NIPAL3: variants seen among roughly 807,000 people sequenced by gnomAD.
NIPAL3 encodes the protein NIPA like domain containing 3.
NIPAL3 carries 41 observed loss-of-function variants against 47.2 expected under a neutral mutation model. The observed-to-expected ratio is 0.87, with a 90% CI of 0.68 to 1.13. NIPAL3 has a LOEUF of 1.13. Ranked by LOEUF, NIPAL3 falls within the 50% of genes most tolerant of loss-of-function variation. NIPAL3 has a pLI of 0.00. For synonymous variants in NIPAL3, 194 were observed against 209.6 expected (o/e 0.93, Z 0.64); for missense variants, 449 against 530.1 (o/e 0.85, Z 1.50).
chr1:24,456,902 A>G (rs2235559), intron 8 of NIPAL3, among the ~76,000 whole-genome samples: 30,073 of 151,914 alleles, frequency 0.2, 3,203 homozygotes, highest in East Asian at 0.28. Flanking sequence ...AGCTGGGACT[A>G]CAGGTGTATG....
intron 4 of NIPAL3, among the ~76,000 whole-genome samples, chr1:24,444,436 T>C (rs1459685356): frequency 2.0e-5 from 3 of 152,174 alleles, no homozygotes; most frequent in Non-Finnish European, 1.5e-5. Flanking sequence ...GTATAGACAT[T>C]ATCACTCCCA....
chr1:24,430,764 C>T (rs1383363456), intron 2 of NIPAL3, among the ~76,000 whole-genome samples: 1 of 152,192 alleles, frequency 6.6e-6, no homozygotes, highest in East Asian at 1.9e-4. Flanking sequence ...ATGCCTGTAA[C>T]TTTTTTCACC....
At chr1:24,436,622 G>A (rs1244172941) in intron 2 of NIPAL3, among the ~76,000 whole-genome samples, 1 of 151,540 alleles carries the variant, frequency 6.6e-6, no homozygotes, top group African/African-American at 2.4e-5. Context: ...CTGAGTAGCT[G>A]GGATTATAGG....
chr1:24,445,912 C>T (rs1481878170), intron 5 of NIPAL3, among the ~76,000 whole-genome samples: 1 of 152,140 alleles, frequency 6.6e-6, no homozygotes, highest in Non-Finnish European at 1.5e-5. Flanking sequence ...GGGCAAGAGG[C>T]AGAAGTGTCA....
rs56978150 is a variant in NIPAL3, at chr1:24,454,031, CTT to C, written c.637+541_637+542del. ...GGCTAGAACTGCATATTAATTTTTC[CTT>C]TTTTTTTTTTTTTGAGACAGTCTTG... On this transcript the variant is annotated intron_variant, in intron 7 of 11. Transcript: ENST00000374399. The surrounding 1 kb of genome is among the most constrained non-coding windows in gnomAD (Gnocchi z 4.1). The C allele has an allele frequency of 0.019, 8,187 of 431,400 alleles. 1 individual carries two copies. Among genetic ancestry groups the C allele is most frequent in the Non-Finnish European group, 0.021 (4,799 of 229,056 alleles). The allele number at this position is 431,400 out of a possible 1,614,324, so 26.7% of individuals were successfully genotyped here. A position where few individuals can be genotyped will look rare whatever the true frequency, so the allele number is the denominator to read the frequency against.
In NIPAL3 at chr1:24,440,198, G is replaced by A. The variant is rs370188520; in HGVS notation, c.120G>A (p.Ala40=). 10 of 1,594,070 alleles carry A rather than the reference G, an allele frequency of 6.3e-6. 1 individual carries two copies. In the East Asian group the frequency reaches 9.2e-5, roughly 15 times the overall value. The change falls in exon 3 of 12, where the codon GCG becomes GCA. Residue 40 remains alanine (A), a synonymous_variant. Coordinates refer to ENST00000374399, the MANE Select transcript of NIPAL3 (RefSeq NM_020448.5). ...AAAACCTGATTGGCGCCCTCTTGGCGATCTTCGGGCACCTCGTGGTCAGCA... is the reference window on the plus strand; with the variant it reads ...AAAACCTGATTGGCGCCCTCTTGGCAATCTTCGGGCACCTCGTGGTCAGCA... The part of the protein sequence containing the change: ...YKENLIGALL[A]IFGHLVVSIA...
At chr1:24,419,226 A>T (rs1644200418) in intron 1 of NIPAL3, 65 bp from the exon 2 acceptor site, 1 of 853,550 alleles carries the variant, frequency 1.2e-6, no homozygotes, top group Non-Finnish European at 1.4e-6. Flanking sequence ...CTCTTCTCAG[A>T]TAACAAAGCT....
chr1:24,413,655 C>G (rs1419217077), upstream of NIPAL3: 1 of 152,270 alleles, frequency 6.6e-6, no homozygotes, highest in Non-Finnish European at 1.5e-5. Context: ...CCGGTCCCCC[C>G]GCCGGAACTG....
chr1:24,417,293 C>T (rs760967), intron 1 of NIPAL3, among the ~76,000 whole-genome samples: 27,625 of 152,092 alleles, frequency 0.18, 3,141 homozygotes, highest in East Asian at 0.3. Flanking sequence ...CAGGGTATTC[C>T]GCAAACACCT....
At position 24,460,680 on chromosome 1, in the gene NIPAL3, C is replaced by T. The variant is rs1646430933; in HGVS notation, c.926+136C>T. On this transcript the variant is annotated intron_variant, in intron 10 of 11. Coordinates refer to ENST00000374399, the MANE Select transcript of NIPAL3 (RefSeq NM_020448.5). ...AGCTGTGGGGTTTTGGAGCTTTGTC[C>T]CCAGAGGTGAGCGTTTTATTCCTCT... is the stretch of plus-strand genomic sequence containing the variant. 5 of 643,006 alleles carry T rather than the reference C, an allele frequency of 7.8e-6. No individual in the cohort carries two copies. In the East Asian group the frequency reaches 1.7e-4, roughly 22 times the overall value. The allele number at this position is 643,006 out of a possible 1,614,324, so 39.8% of individuals were successfully genotyped here. A position where few individuals can be genotyped will look rare whatever the true frequency, so the allele number is the denominator to read the frequency against.
chr1:24,416,220 G>A lies in NIPAL3; in HGVS notation c.-258+316G>A, dbSNP rs1301669410. The stretch of plus-strand genomic sequence containing the variant: ...TCGGGCTTCCTGGCGGCAGCAGATG[G>A]TGGAGTTAGCAGGTGGGATGAGGGG... On this transcript the variant is annotated intron_variant, in intron 1 of 11. Transcript: ENST00000374399. This position sits in a 1 kb window ranked among gnomAD's most constrained non-coding sequence, Gnocchi z 4.8. 2 of 985,508 alleles carry A rather than the reference G, an allele frequency of 2.0e-6. No individual in the cohort carries two copies. Among genetic ancestry groups the A allele is most frequent in the African/African-American group, 1.7e-5 (1 of 57,232 alleles). 61.0% of individuals were successfully genotyped at this position (985,508 alleles called of 1,614,324 possible).
Position 24,454,630 on chromosome 1 carries a change from C to T in NIPAL3, c.637+1126C>T. ...TACAATTCAGTGGTTTTTAGTATTT[C>T]ATAGAGTTGTGAAACCATCATCCTA... On this transcript the variant is annotated intron_variant, in intron 7 of 11. Transcript: ENST00000374399. The surrounding 1 kb of genome is among the most constrained non-coding windows in gnomAD (Gnocchi z 4.1). The T allele has an allele frequency of 1.2e-6, 1 of 828,026 alleles. No individual in the cohort carries two copies. Among genetic ancestry groups the T allele is most frequent in the Non-Finnish European group, 1.5e-6 (1 of 686,416 alleles). The allele number at this position is 828,026 out of a possible 1,614,324, so 51.3% of individuals were successfully genotyped here.
chr1:24,440,372 A>C, intron 3 of NIPAL3, 132 bp downstream of exon 3: 1 of 568,976 alleles, frequency 1.8e-6, no homozygotes, highest in Non-Finnish European at 2.8e-6. Flanking sequence ...CTGGGACAAT[A>C]CCTTGTGGGC....
At chr1:24,427,889 C>T (rs969436334) in intron 2 of NIPAL3, among the ~76,000 whole-genome samples, 1 of 152,262 alleles carries the variant, frequency 6.6e-6, no homozygotes, top group African/African-American at 2.4e-5. Flanking sequence ...TCTCTGGCCC[C>T]GCTTCTCCAC....
chr1:24,449,665 G>C lies in NIPAL3; in HGVS notation c.540+39G>C. The C allele has an allele frequency of 6.3e-7, 1 of 1,593,374 alleles. No individual in the cohort carries two copies. The highest frequency in any genetic ancestry group is 8.6e-7 in the Non-Finnish European group (1 of 1,168,620). ...CCAGTCGTTCCCCCTGAGATGGCAG[G>C]AGGGAGATCAAGTCCTAGAAACCAG... is the stretch of plus-strand genomic sequence containing the variant. On this transcript the variant is annotated intron_variant, in intron 6 of 11. Transcript: ENST00000374399. The surrounding 1 kb of genome is among the most constrained non-coding windows in gnomAD (Gnocchi z 4.5).
chr1:24,458,802 T>C (rs1204826185), intron 8 of NIPAL3, 86 bp from the exon 9 acceptor site: 1 of 1,021,622 alleles, frequency 9.8e-7, no homozygotes, highest in Non-Finnish European at 1.6e-6. Context: ...ATCATCTTCA[T>C]ATTTCAAACC....
chr1:24,415,989 C>T, intron 1 of NIPAL3, 85 bp downstream of exon 1: 4 of 985,302 alleles, frequency 4.1e-6, no homozygotes, highest in Non-Finnish European at 3.6e-6. Context: ...CCTAACGTCC[C>T]CTAGTGTACA....
At position 24,471,954 on chromosome 1, in the gene NIPAL3, A is replaced by G. The variant is rs907225984; in HGVS notation, c.*2769A>G. ...TTAGATGTGTCAAACCCGGGTGATCATTAATAATTTGGGCATATATATGCT... is the reference window on the plus strand; with the variant it reads ...TTAGATGTGTCAAACCCGGGTGATCGTTAATAATTTGGGCATATATATGCT... On this transcript the variant is annotated 3_prime_UTR_variant, in exon 12 of 12. Coordinates refer to ENST00000374399, the MANE Select transcript of NIPAL3 (RefSeq NM_020448.5). 1 of 151,406 alleles carries G rather than the reference A, an allele frequency of 6.6e-6. No homozygotes were observed. Among genetic ancestry groups the G allele is most frequent in the African/African-American group, 2.4e-5 (1 of 41,166 alleles). The allele number at this position is 151,406 out of a possible 1,614,324, so 9.4% of individuals were successfully genotyped here.
intron 1 of NIPAL3, among the ~76,000 whole-genome samples, chr1:24,417,217 A>C (rs1322655322): frequency 6.6e-6 from 1 of 152,082 alleles, no homozygotes; most frequent in African/African-American, 2.4e-5. Context: ...TCATTTAGTC[A>C]GTTGGTTGGT....
Sources: gnomAD v4.1 joint callset for allele counts (sites outside exome capture counted in the v4.1 genomes callset) on GRCh38, gnomAD v4.1.1 for gene constraint, Gnocchi (gnomAD v3.1) non-coding constraint, MANE v1.5 for transcripts, NCBI Gene and HGNC (gene_info 2026-07-23, HGNC 2026-07-21) for gene names.